The following PDSS2 variants were observed in gnomAD, a reference collection of about 807,000 sequenced individuals.
PDSS2 encodes the protein decaprenyl diphosphate synthase subunit 2, also known as all trans-polyprenyl-diphosphate synthase PDSS2.
In PDSS2, 31 loss-of-function variants were observed where a neutral mutation model predicts 44.5. That is an observed-to-expected ratio of 0.70 (90% CI 0.52 to 0.94). PDSS2 has a LOEUF of 0.94. Among genes scored for constraint, PDSS2 ranks in the 40% least tolerant of loss-of-function variants. The pLI is 0.00. For missense variants in PDSS2, 452 were observed against 482.2 expected, an observed-to-expected ratio of 0.94 and a Z score of 0.59; for synonymous variants, 157 against 180.3, an observed-to-expected ratio of 0.87 and a Z score of 1.03.
At chr6:107,205,799 A>G (rs1442150976) in intron 6 of PDSS2, among the ~76,000 whole-genome samples, 1 of 152,154 alleles carries the variant, frequency 6.6e-6, no homozygotes, top group Non-Finnish European at 1.5e-5. Flanking sequence ...GCTGGAGAAG[A>G]GGTGGCACAG....
intron 4 of PDSS2, among the ~76,000 whole-genome samples, chr6:107,241,883 A>G (rs149332585): frequency 1.9e-3 from 286 of 152,302 alleles, no homozygotes; most frequent in Non-Finnish European, 3.4e-3. Context: ...TCACAAAAAA[A>G]TTCTTTTGTG....
chr6:107,198,794 AAACAATAACAACAACAAC>A (rs1195848142), intron 6 of PDSS2, among the ~76,000 whole-genome samples: 1 of 101,330 alleles, frequency 9.9e-6, no homozygotes, highest in African/African-American at 3.8e-5. Flanking sequence ...CTGTCTCTAC[AAACAATAACAACAACAAC>A]AACAACAACA....
chr6:107,258,567 C>T (rs1170194859), intron 3 of PDSS2, among the ~76,000 whole-genome samples: 4 of 152,130 alleles, frequency 2.6e-5, no homozygotes, highest in African/African-American at 7.2e-5. Context: ...TTTGGGAGGC[C>T]GAGGCAGGCA....
At chr6:107,455,406 A>G (rs934974763) in intron 1 of PDSS2, among the ~76,000 whole-genome samples, 3 of 151,738 alleles carry the variant, frequency 2.0e-5, no homozygotes, top group African/African-American at 7.3e-5. Flanking sequence ...AGCCCCTATC[A>G]TTGACACTAT....
At position 107,153,782 on chromosome 6, in the gene PDSS2, C is replaced by T. The variant is rs1770786805; in HGVS notation, c.*837G>A. On this transcript the variant is annotated 3_prime_UTR_variant, in exon 8 of 8. Coordinates refer to ENST00000369037, the MANE Select transcript of PDSS2 (RefSeq NM_020381.4). The stretch of plus-strand genomic sequence containing the variant: ...AGTATATTCATACTGCATTATAAAT[C>T]CAGAGACATGAGGCCAGGTGCAGTG... The T allele has an allele frequency of 6.6e-6, 1 of 152,394 alleles. No homozygotes were observed. Among genetic ancestry groups the T allele is most frequent in the Non-Finnish European group, 1.5e-5 (1 of 68,040 alleles). The allele number at this position is 152,394 out of a possible 1,614,324, so 9.4% of individuals were successfully genotyped here. A position where few individuals can be genotyped will look rare whatever the true frequency, so the allele number is the denominator to read the frequency against.
At chr6:107,391,061 A>C (rs1400311527) in intron 1 of PDSS2, among the ~76,000 whole-genome samples, 2 of 151,962 alleles carry the variant, frequency 1.3e-5, no homozygotes, top group Non-Finnish European at 2.9e-5. Context: ...GGGAGAGGAA[A>C]TGCAGAAGAT....
chr6:107,448,708 C>A (rs565380264), intron 1 of PDSS2, among the ~76,000 whole-genome samples: 4 of 152,192 alleles, frequency 2.6e-5, no homozygotes, highest in African/African-American at 9.7e-5. Flanking sequence ...ATCTTTATAG[C>A]AGCACCCCAC....
chr6:107,273,078 G>A (rs771892716), intron 3 of PDSS2, among the ~76,000 whole-genome samples: 3 of 152,008 alleles, frequency 2.0e-5, no homozygotes, highest in Non-Finnish European at 2.9e-5. Context: ...TCTGCCTCCC[G>A]GGTTCAAGCG....
intron 1 of PDSS2, among the ~76,000 whole-genome samples, chr6:107,400,084 T>C (rs953230935): frequency 5.3e-5 from 8 of 151,974 alleles, no homozygotes; most frequent in Non-Finnish European, 1.2e-4. Flanking sequence ...GTCTCCACAA[T>C]ACACATTCCT....
chr6:107,217,691 A>G lies in PDSS2; in HGVS notation c.703-5409T>C, dbSNP rs78033788. ...AAATTATAAGTGAATTTGCCCTGTG[A>G]CTCAGGAATCCCATGTCCAGGAATT... is the stretch of plus-strand genomic sequence containing the variant. On this transcript the variant is annotated intron_variant, in intron 4 of 7. Transcript: ENST00000369037. Among the ~76,000 whole-genome samples the G allele has an allele frequency of 6.9e-3, 1,052 of 152,252 alleles. 6 individuals carry two copies. The highest frequency in any genetic ancestry group is 9.5e-3 in the Non-Finnish European group (646 of 68,014).
intron 1 of PDSS2, among the ~76,000 whole-genome samples, chr6:107,426,314 AG>A (rs1197915727): frequency 6.6e-6 from 1 of 152,114 alleles, no homozygotes; most frequent in Non-Finnish European, 1.5e-5. Flanking sequence ...TGAGCCTTTG[AG>A]TGTATAGAAG....
chr6:107,423,527 T>C (rs1488221098), intron 1 of PDSS2, among the ~76,000 whole-genome samples: 1 of 151,612 alleles, frequency 6.6e-6, no homozygotes, highest in African/African-American at 2.4e-5. Context: ...GACACATGGC[T>C]TCTTTGTCTG....
chr6:107,220,618 T>G (rs1464644732), intron 4 of PDSS2, among the ~76,000 whole-genome samples: 1 of 152,136 alleles, frequency 6.6e-6, no homozygotes, highest in African/African-American at 2.4e-5. Flanking sequence ...TTATTACATA[T>G]TTCTTACTGT....
intron 1 of PDSS2, among the ~76,000 whole-genome samples, chr6:107,422,500 C>T (rs1562529047): frequency 6.6e-6 from 1 of 151,730 alleles, no homozygotes; most frequent in Non-Finnish European, 1.5e-5. Flanking sequence ...AACAAGTGTG[C>T]AATGACATAC....
intron 3 of PDSS2, among the ~76,000 whole-genome samples, chr6:107,251,090 G>A (rs891866832): frequency 1.3e-5 from 2 of 152,180 alleles, no homozygotes; most frequent in Non-Finnish European, 1.5e-5. Context: ...CCCTGACCTT[G>A]TGATCTGCCT....
intron 7 of PDSS2, among the ~76,000 whole-genome samples, chr6:107,159,035 G>A (rs182452164): frequency 6.6e-6 from 1 of 151,990 alleles, no homozygotes; most frequent in African/African-American, 2.4e-5. Flanking sequence ...GGCCTTAACT[G>A]TTCTCAGTTC....
At chr6:107,278,070 T>G (rs538415788) in intron 2 of PDSS2, among the ~76,000 whole-genome samples, 1 of 151,976 alleles carries the variant, frequency 6.6e-6, no homozygotes, top group African/African-American at 2.4e-5. Flanking sequence ...TCTATAATAA[T>G]CACATAAAGA....
rs184176989 is a variant in PDSS2 at position 107,344,607 on chromosome 6, G to A, written c.297-10275C>T. On this transcript the variant is annotated intron_variant, in intron 1 of 7. Coordinates refer to ENST00000369037, the MANE Select transcript of PDSS2 (RefSeq NM_020381.4). ...CCAAAGCTTCAATTAGGTTTGATGA[G>A]CATGTGGCAGAAGACAGGTGCCTGG... Among the ~76,000 whole-genome samples, 5 of 152,266 alleles carry A rather than the reference G, an allele frequency of 3.3e-5. No individual in the cohort carries two copies. In the East Asian group the frequency reaches 7.7e-4, roughly 23 times the overall value.
At chr6:107,237,897 G>GAAAAA (rs71551306) in intron 4 of PDSS2, among the ~76,000 whole-genome samples, 27 of 80,410 alleles carry the variant, frequency 3.4e-4, no homozygotes, top group East Asian at 1.3e-3. Context: ...CTCCGTCTCT[G>GAAAAA]AAAAAAAAAA....
Sources: gnomAD v4.1 joint callset for allele counts (sites outside exome capture counted in the v4.1 genomes callset) on GRCh38, gnomAD v4.1.1 for gene constraint, MANE v1.5 for transcripts, NCBI Gene and HGNC (gene_info 2026-07-23, HGNC 2026-07-21) for gene names.